Variants in CLTCL1 observed in about 807,000 individuals in gnomAD.
The protein encoded by CLTCL1 is clathrin heavy chain like 1.
CLTCL1 carries 159 observed loss-of-function variants against 190.0 expected under a neutral mutation model. The ratio of observed to expected loss-of-function variants is 0.84; its 90% CI spans 0.74 to 0.95. CLTCL1 has a LOEUF of 0.95. Ranked by LOEUF, CLTCL1 falls within the 40% of genes least tolerant of loss-of-function variation. The pLI, the probability that CLTCL1 is intolerant of heterozygous loss-of-function variation, is 0.00. For synonymous variants in CLTCL1, 752 were observed against 769.6 expected (o/e 0.98, Z 0.38); for missense variants, 1,878 against 2,033.4 (o/e 0.92, Z 1.47).
intron 2 of CLTCL1, among the ~76,000 whole-genome samples, chr22:19,272,298 A>C (rs1291805123): frequency 1.3e-5 from 2 of 152,204 alleles, no homozygotes; most frequent in African/African-American, 4.8e-5. Flanking sequence ...TCAGCAAAGA[A>C]AGTATGAACA....
intron 1 of CLTCL1, among the ~76,000 whole-genome samples, chr22:19,288,396 G>C (rs782550235): frequency 1.3e-5 from 2 of 152,132 alleles, no homozygotes; most frequent in Non-Finnish European, 2.9e-5. Context: ...CATCCTCTGG[G>C]GGTCTTAGAA....
At chr22:19,192,685 T>C (rs368064529) in intron 26 of CLTCL1, among the ~76,000 whole-genome samples, 1 of 152,146 alleles carries the variant, frequency 6.6e-6, no homozygotes, top group Admixed American at 6.5e-5. Context: ...CTTCAGGGTG[T>C]CTTCTTTCTC....
At chr22:19,253,498 G>C (rs1238638997) in intron 3 of CLTCL1, among the ~76,000 whole-genome samples, 1 of 152,138 alleles carries the variant, frequency 6.6e-6, no homozygotes, top group Non-Finnish European at 1.5e-5. Context: ...AAAACTATGG[G>C]TTCCAAATTA....
chr22:19,245,320 G>C (rs2086385876), intron 3 of CLTCL1, among the ~76,000 whole-genome samples: 1 of 151,124 alleles, frequency 6.6e-6, no homozygotes, highest in South Asian at 2.1e-4. Flanking sequence ...CAGCCTCCTG[G>C]GTAACTGGGA....
intron 6 of CLTCL1, 139 bp from the exon 7 acceptor site, chr22:19,234,845 A>G: frequency 1.3e-6 from 1 of 776,642 alleles, no homozygotes; most frequent in East Asian, 2.5e-5. Context: ...TGGCCCTCAC[A>G]GTGAAAGGAG....
At chr22:19,180,662 AG>A in intron 31 of CLTCL1, 68 bp downstream of exon 31, 1 of 1,495,712 alleles carries the variant, frequency 6.7e-7, no homozygotes. Context: ...CAGCCAGGTA[AG>A]GGCAGTGGGA....
At position 19,180,110 on chromosome 22, in the gene CLTCL1, G is replaced by C. The variant is rs931917252; in HGVS notation, c.*20+89C>G. 2.6e-6 allele frequency: 3 copies of C among 1,157,918 alleles called. No homozygotes were observed. In the South Asian group the frequency reaches 3.8e-5, roughly 15 times the overall value. The allele number at this position is 1,157,918 out of a possible 1,614,324, so 71.7% of individuals were successfully genotyped here. A position where few individuals can be genotyped will look rare whatever the true frequency, so the allele number is the denominator to read the frequency against. ...CCACCCAGACGCTGAGGCCCCAAGA[G>C]AGCAGGCATCCAGAGGCAAGGAGCG... is the stretch of plus-strand genomic sequence containing the variant. On this transcript the variant is annotated intron_variant, in intron 32 of 32. Transcript: ENST00000427926.
At chr22:19,180,895 G>C in intron 30 of CLTCL1, 89 bp from the exon 31 acceptor site, 1 of 1,120,464 alleles carries the variant, frequency 8.9e-7, no homozygotes, top group Non-Finnish European at 1.4e-6. Flanking sequence ...CAGGACACAG[G>C]GCCTCCAGGA....
chr22:19,228,520 A>C (rs994262533), intron 11 of CLTCL1, among the ~76,000 whole-genome samples: 1 of 152,242 alleles, frequency 6.6e-6, no homozygotes, highest in African/African-American at 2.4e-5. Flanking sequence ...GTAGACCCCA[A>C]GCAGCAAATT....
intron 2 of CLTCL1, among the ~76,000 whole-genome samples, chr22:19,271,259 C>T (rs1305560954): frequency 1.4e-4 from 22 of 152,188 alleles, no homozygotes; most frequent in Admixed American, 1.4e-3. Flanking sequence ...ACTCAAATCT[C>T]ATCTCAAGTT....
intron 3 of CLTCL1, among the ~76,000 whole-genome samples, chr22:19,247,099 T>C (rs1011833544): frequency 6.6e-6 from 1 of 152,260 alleles, no homozygotes; most frequent in Middle Eastern, 3.2e-3. Flanking sequence ...TTTCTCCTTA[T>C]GTTTTCTTCT....
chr22:19,222,460 C>A (rs1388214726), intron 15 of CLTCL1, among the ~76,000 whole-genome samples: 1 of 152,224 alleles, frequency 6.6e-6, no homozygotes, highest in Non-Finnish European at 1.5e-5. Context: ...TGCCGACACC[C>A]TGATCATGGA....
intron 22 of CLTCL1, among the ~76,000 whole-genome samples, chr22:19,207,361 T>G (rs1490107313): frequency 6.6e-6 from 1 of 152,222 alleles, no homozygotes; most frequent in Admixed American, 6.5e-5. Context: ...TTATTAACTC[T>G]GACTCAATTA....
Position 19,222,956 on chromosome 22 carries a change from C to T in CLTCL1, c.2293-147G>A, listed in dbSNP as rs150157017. On this transcript the variant is annotated intron_variant, in intron 14 of 32. Coordinates refer to ENST00000427926, the MANE Select transcript of CLTCL1 (RefSeq NM_007098.4). ...AATGAGACTGCTCTAAATAGGCTGT[C>T]GTTTTGTGGTATGGCATTTGCTTTG... The T allele has an allele frequency of 4.6e-4, 427 of 920,340 alleles. 1 individual carries two copies. The East Asian group carries it at 9.5e-3, about 20-fold the overall frequency. The allele number at this position is 920,340 out of a possible 1,614,324, so 57.0% of individuals were successfully genotyped here.
chr22:19,231,250 G>A (rs2145855414), intron 10 of CLTCL1, among the ~76,000 whole-genome samples: 1 of 152,314 alleles, frequency 6.6e-6, no homozygotes, highest in African/African-American at 2.4e-5. Flanking sequence ...ATCTGAGATA[G>A]GGTCTCACTC....
chr22:19,216,151 C>G lies in CLTCL1; in HGVS notation c.3025G>C (p.Glu1009Gln), dbSNP rs1555949335. The G allele has an allele frequency of 6.2e-7, 1 of 1,613,806 alleles. No individual in the cohort carries two copies. The highest frequency in any genetic ancestry group is 8.5e-7 in the Non-Finnish European group (1 of 1,179,840). Residue 1009 changes from glutamate (E) to glutamine (Q), a missense_variant, in exon 19 of 33, where the codon GAG becomes CAG. By Grantham distance (29) the Glu-to-Gln change is conservative. Transcript: ENST00000427926. ...DLPNELIELL[E>Q]KIVLDNSVFS... ...ACAGAGTTATCCAGAACTATCTTCT[C>G]CAGCAGTTCAATCAGTTCATTAGGC...
chr22:19,205,246 AC>A (rs782216078), intron 22 of CLTCL1, among the ~76,000 whole-genome samples: 6 of 152,114 alleles, frequency 3.9e-5, no homozygotes, highest in Non-Finnish European at 5.9e-5. Flanking sequence ...ACAGTGGCTC[AC>A]CCCTGTAATC....
chr22:19,224,566 A>G (rs1555954655), intron 13 of CLTCL1, among the ~76,000 whole-genome samples: 1 of 152,198 alleles, frequency 6.6e-6, no homozygotes, highest in East Asian at 1.9e-4. Flanking sequence ...GAGGCCAGCC[A>G]GGAGGCACCA....
chr22:19,289,127 G>A (rs532381292), intron 1 of CLTCL1, among the ~76,000 whole-genome samples: 3 of 152,282 alleles, frequency 2.0e-5, no homozygotes, highest in Admixed American at 2.0e-4. Context: ...GGGACTACAG[G>A]TGCGTACCAA....
Sources: allele counts gnomAD v4.1 joint callset (sites outside exome capture counted in the v4.1 genomes callset), GRCh38; gene constraint gnomAD v4.1.1; transcripts MANE v1.5; gene names NCBI Gene and HGNC (gene_info 2026-07-23, HGNC 2026-07-21).